The following FOXP1 variants were observed in gnomAD, a reference collection of about 807,000 sequenced individuals.
FOXP1 encodes the protein forkhead box protein P1.
In FOXP1, 15 loss-of-function variants were observed where a neutral mutation model predicts 98.2. The ratio of observed to expected loss-of-function variants is 0.15; its 90% confidence interval spans 0.10 to 0.24. The LOEUF (loss-of-function observed/expected upper bound fraction) is 0.24. Among genes scored for constraint, FOXP1 ranks in the 10% least tolerant of loss-of-function variants. FOXP1 has a pLI of 1.00. For missense variants in FOXP1, 633 were observed against 848.5 expected (o/e 0.75, Z 3.15); for synonymous variants, 371 against 314.5 (o/e 1.18, Z -1.90).
intron 7 of FOXP1, among the ~76,000 whole-genome samples, chr3:71,089,125 C>T (rs1175621748): frequency 6.6e-6 from 1 of 152,224 alleles, no homozygotes; most frequent in Non-Finnish European, 1.5e-5. Context: ...CAAAGATTCT[C>T]ACCATTTGGT....
chr3:71,083,673 A>C (rs769079504), intron 7 of FOXP1, among the ~76,000 whole-genome samples: 1 of 152,236 alleles, frequency 6.6e-6, no homozygotes, highest in Admixed American at 6.5e-5. Context: ...AACTTGACAA[A>C]GAACGGAGCC....
intron 4 of FOXP1, among the ~76,000 whole-genome samples, chr3:71,339,069 G>A (rs930420495): frequency 6.6e-6 from 1 of 152,176 alleles, no homozygotes. Flanking sequence ...GTTTACTAGT[G>A]TCTGGATATG....
rs564828859 is a variant in FOXP1 at position 71,183,298 on chromosome 3, A to G, written c.180+14904T>C. The stretch of plus-strand genomic sequence containing the variant: ...CATTTGAGGTCTGGAGTTCAAGACC[A>G]GCCTGGCCAACATGGTGAAAACCTG... On this transcript the variant is annotated intron_variant, in intron 6 of 20. Coordinates refer to ENST00000649528, the MANE Select transcript of FOXP1 (RefSeq NM_001349338.3). Among the ~76,000 whole-genome samples the G allele has an allele frequency of 1.9e-3, 296 of 152,244 alleles. 11 individuals are homozygous for G. In the South Asian group the frequency reaches 0.06, roughly 31 times the overall value.
At chr3:71,252,511 T>C (rs955915368) in intron 5 of FOXP1, among the ~76,000 whole-genome samples, 1 of 152,002 alleles carries the variant, frequency 6.6e-6, no homozygotes, top group Non-Finnish European at 1.5e-5. Context: ...AAATTGGTTC[T>C]CTGAGAACTT....
In FOXP1 at chr3:71,510,436, C is replaced by T. The variant is rs888384282; in HGVS notation, c.-297-16881G>A. Among the ~76,000 whole-genome samples the T allele has an allele frequency of 3.9e-5, 6 of 152,034 alleles. No homozygotes were observed. The South Asian group carries it at 8.3e-4, about 21-fold the overall frequency. On this transcript the variant is annotated intron_variant, in intron 2 of 20. Coordinates refer to ENST00000649528, the MANE Select transcript of FOXP1 (RefSeq NM_001349338.3). The stretch of plus-strand genomic sequence containing the variant: ...AGGATGTAGTGAGCTGAGATCCCAC[C>T]ACTGCACTCCAGCCTGGGCAACAGA...
At chr3:71,170,031 G>A (rs535583039) in intron 6 of FOXP1, among the ~76,000 whole-genome samples, 1 of 152,266 alleles carries the variant, frequency 6.6e-6, no homozygotes, top group Non-Finnish European at 1.5e-5. Flanking sequence ...CTTTGATCAA[G>A]CAGGGGGAGC....
At chr3:71,241,166 C>T (rs2067245295) in intron 5 of FOXP1, among the ~76,000 whole-genome samples, 1 of 151,464 alleles carries the variant, frequency 6.6e-6, no homozygotes, top group East Asian at 2.0e-4. Flanking sequence ...GTCGAGATCC[C>T]ACCATTGCAC....
intron 6 of FOXP1, among the ~76,000 whole-genome samples, chr3:71,135,894 T>G (rs952648412): frequency 6.6e-6 from 1 of 152,210 alleles, no homozygotes; most frequent in Non-Finnish European, 1.5e-5. Flanking sequence ...GCATCGACTA[T>G]GCCTTCTTTA....
intron 2 of FOXP1, among the ~76,000 whole-genome samples, chr3:71,502,900 G>A (rs1034840684): frequency 1.1e-4 from 17 of 148,918 alleles, no homozygotes; most frequent in Non-Finnish European, 2.4e-4. Context: ...AAAGAATGAA[G>A]AAACCAACTA....
chr3:71,284,519 T>A (rs967594630), intron 5 of FOXP1, among the ~76,000 whole-genome samples: 3 of 152,000 alleles, frequency 2.0e-5, no homozygotes, highest in Non-Finnish European at 4.4e-5. Context: ...GCTATAATCA[T>A]CACTACAATC....
intron 5 of FOXP1, among the ~76,000 whole-genome samples, chr3:71,275,770 A>G (rs1212264516): frequency 6.6e-6 from 1 of 152,172 alleles, no homozygotes; most frequent in African/African-American, 2.4e-5. Flanking sequence ...ACAATGTAGT[A>G]ATCACATGCC....
intron 3 of FOXP1, among the ~76,000 whole-genome samples, chr3:71,423,605 A>G (rs1448982133): frequency 1.3e-5 from 2 of 152,248 alleles, no homozygotes; most frequent in African/African-American, 4.8e-5. Context: ...CAGACCTGAC[A>G]AAGAATCATA....
intron 10 of FOXP1, among the ~76,000 whole-genome samples, chr3:71,042,189 A>C (rs1461835479): frequency 6.6e-6 from 1 of 152,216 alleles, no homozygotes; most frequent in Admixed American, 6.5e-5. Flanking sequence ...TTTTTATACA[A>C]GTAACACTAT....
chr3:71,183,182 G>T (rs1197613073), intron 6 of FOXP1, among the ~76,000 whole-genome samples: 1 of 152,038 alleles, frequency 6.6e-6, no homozygotes, highest in African/African-American at 2.4e-5. Flanking sequence ...CATGGCGGTG[G>T]TGGTGATGAT....
chr3:71,283,509 G>A (rs1032270541), intron 5 of FOXP1, among the ~76,000 whole-genome samples: 5 of 152,288 alleles, frequency 3.3e-5, no homozygotes, highest in Admixed American at 1.3e-4. Context: ...CCTACATGAC[G>A]GTGTGTCCTC....
At chr3:70,980,734 T>C (rs1225091847) in intron 14 of FOXP1, among the ~76,000 whole-genome samples, 1 of 152,184 alleles carries the variant, frequency 6.6e-6, no homozygotes, top group African/African-American at 2.4e-5. Flanking sequence ...ACTGAGCAAA[T>C]ATAAGGCAGT....
intron 2 of FOXP1, among the ~76,000 whole-genome samples, chr3:71,502,224 C>G (rs116322896): frequency 6.6e-6 from 1 of 152,354 alleles, no homozygotes; most frequent in Non-Finnish European, 1.5e-5. Flanking sequence ...CTGAGCACAG[C>G]TAGCACAAGG....
chr3:71,035,538 G>T (rs1031058621), intron 11 of FOXP1, among the ~76,000 whole-genome samples: 1 of 152,130 alleles, frequency 6.6e-6, no homozygotes, highest in Non-Finnish European at 1.5e-5. Context: ...GGAAGCAGTG[G>T]GCTGGATTTG....
At chr3:71,542,428 G>A (rs1363347252) in intron 2 of FOXP1, among the ~76,000 whole-genome samples, 7 of 152,224 alleles carry the variant, frequency 4.6e-5, no homozygotes, top group African/African-American at 1.2e-4. Flanking sequence ...CAGAGCGATC[G>A]AAATCTCGTT....
Sources: gnomAD v4.1 joint callset for allele counts (sites outside exome capture counted in the v4.1 genomes callset) on GRCh38, gnomAD v4.1.1 for gene constraint, MANE v1.5 for transcripts, NCBI Gene and HGNC (gene_info 2026-07-23, HGNC 2026-07-21) for gene names.